SLC39A10: variants seen among roughly 807,000 people sequenced by gnomAD.
SLC39A10 encodes the protein solute carrier family 39 member 10, also known as zinc transporter ZIP10.
Under a neutral mutation model 65.1 loss-of-function variants are expected in SLC39A10, and 13 were observed. The ratio of observed to expected loss-of-function variants is 0.20; its 90% CI spans 0.13 to 0.32. The LOEUF is 0.32. SLC39A10 is among the 10% of genes least tolerant of loss of function. SLC39A10 has a pLI of 1.00. For missense variants in SLC39A10, 831 were observed against 1,018.4 expected, an observed-to-expected ratio of 0.82 and a Z score of 2.50; for synonymous variants, 321 against 342.2, an observed-to-expected ratio of 0.94 and a Z score of 0.68.
intron 2 of SLC39A10, among the ~76,000 whole-genome samples, chr2:195,643,655 G>T (rs1296563608): frequency 6.6e-6 from 1 of 152,160 alleles, no homozygotes; most frequent in Admixed American, 6.5e-5. Flanking sequence ...GGATGAGGGA[G>T]ATGAGAAAGG....
chr2:195,727,627 G>A (rs1199767488), intron 8 of SLC39A10, among the ~76,000 whole-genome samples: 1 of 152,182 alleles, frequency 6.6e-6, no homozygotes, highest in Non-Finnish European at 1.5e-5. Flanking sequence ...AGAAAGGGTA[G>A]AAGTTCGAGC....
At chr2:195,669,932 G>A (rs1352341508) in intron 1 of SLC39A10, among the ~76,000 whole-genome samples, 2 of 152,168 alleles carry the variant, frequency 1.3e-5, no homozygotes, top group African/African-American at 2.4e-5. Context: ...AGGCCAAGGC[G>A]GGTGGATAAC....
At position 195,680,831 on chromosome 2, in the gene SLC39A10, T is replaced by C. The variant is rs753673902; in HGVS notation, c.789T>C (p.His263=). Residue 263 remains histidine, a synonymous_variant, in exon 2 of 10, where the codon CAT becomes CAC. Transcript: ENST00000359634. ...PNHDQGEQYE[H]NRVHKPDRVH... ...ATGATCAGGGTGAACAGTATGAGCA[T>C]AATCGGGTCCACAAACCTGATCGTG... 42 of 1,614,042 alleles carry C rather than the reference T, an allele frequency of 2.6e-5. No homozygotes were observed. The African/African-American group carries it at 5.2e-4, about 20-fold the overall frequency.
At chr2:195,663,770 A>G (rs1230611170) in intron 1 of SLC39A10, among the ~76,000 whole-genome samples, 1 of 151,468 alleles carries the variant, frequency 6.6e-6, no homozygotes, top group Non-Finnish European at 1.5e-5. Flanking sequence ...GTTTTAAATT[A>G]GGATAGTCTA....
intron 5 of SLC39A10, among the ~76,000 whole-genome samples, 173 bp downstream of exon 5, chr2:195,709,017 GGTT>G (rs1002133012): frequency 1.6e-4 from 25 of 152,042 alleles, no homozygotes; most frequent in African/African-American, 4.6e-4. Context: ...TTAAATATGT[GGTT>G]GTTGTTGTTG....
chr2:195,615,324 G>A (rs1688182199), intron 2 of SLC39A10, among the ~76,000 whole-genome samples: 1 of 152,144 alleles, frequency 6.6e-6, no homozygotes, highest in Admixed American at 6.5e-5. Context: ...GAAATCACCT[G>A]GGGCAGTTTT....
At chr2:195,660,626 A>G (rs1342101575) in intron 1 of SLC39A10, among the ~76,000 whole-genome samples, 4 of 152,174 alleles carry the variant, frequency 2.6e-5, no homozygotes, top group Non-Finnish European at 4.4e-5. Flanking sequence ...AGTGTTTTTG[A>G]ACTGGTGAAT....
chr2:195,635,565 G>A (rs551817131), intron 2 of SLC39A10, among the ~76,000 whole-genome samples: 148 of 152,230 alleles, frequency 9.7e-4, no homozygotes, highest in African/African-American at 3.3e-3. Flanking sequence ...TTCTTCACAG[G>A]CACCATATAA....
intron 9 of SLC39A10, among the ~76,000 whole-genome samples, chr2:195,730,984 C>T (rs982234521): frequency 6.6e-6 from 1 of 152,166 alleles, no homozygotes; most frequent in Non-Finnish European, 1.5e-5. Flanking sequence ...TCCAAGCCAC[C>T]ACCATCTTTC....
At chr2:195,624,887 CAAAAAAA>C (rs60370795) in intron 2 of SLC39A10, among the ~76,000 whole-genome samples, 1 of 47,332 alleles carries the variant, frequency 2.1e-5, no homozygotes, top group African/African-American at 8.5e-5. Flanking sequence ...GACTCCATCT[CAAAAAAA>C]AAAAAAAAAA....
intron 3 of SLC39A10, among the ~76,000 whole-genome samples, chr2:195,706,381 G>A (rs1691396251): frequency 1.3e-5 from 2 of 148,880 alleles, no homozygotes; most frequent in African/African-American, 4.9e-5. Flanking sequence ...TATCTCGTGG[G>A]CCATTGAAGG....
chr2:195,709,719 A>C (rs1388022088), intron 5 of SLC39A10, among the ~76,000 whole-genome samples: 2 of 152,182 alleles, frequency 1.3e-5, no homozygotes, highest in Admixed American at 1.3e-4. Context: ...TTATTTTGGC[A>C]TTTATAATCA....
rs1446506245 is a variant in SLC39A10, at chr2:195,680,675, T to C, written c.633T>C (p.Asn211=). The change falls in exon 2 of 10, where the codon AAT becomes AAC. Residue 211 remains asparagine (N), a synonymous_variant. Coordinates refer to ENST00000359634, the MANE Select transcript of SLC39A10 (RefSeq NM_020342.3). ...ITPSERGEPS[N]EPSTETNKTQ... ...CCAGTGAGCGTGGGGAGCCTAGCAA[T>C]GAACCTTCAACAGAGACCAATAAAA... 1 of 1,614,066 alleles carries C rather than the reference T, an allele frequency of 6.2e-7. No individual in the cohort carries two copies. The highest frequency in any genetic ancestry group is 8.5e-7 in the Non-Finnish European group (1 of 1,180,016).
chr2:195,659,057 A>C (rs1261139754), intron 1 of SLC39A10, among the ~76,000 whole-genome samples: 3 of 152,246 alleles, frequency 2.0e-5, no homozygotes, highest in Non-Finnish European at 2.9e-5. Flanking sequence ...TAAAATTGCT[A>C]TCAGGTATTT....
At chr2:195,724,723 G>A (rs1214174146) in intron 8 of SLC39A10, among the ~76,000 whole-genome samples, 1 of 152,122 alleles carries the variant, frequency 6.6e-6, no homozygotes, top group Non-Finnish European at 1.5e-5. Context: ...CTATTGTTAA[G>A]ATGTTAATTT....
At chr2:195,715,656 G>GTGAC (rs1436474343) in intron 6 of SLC39A10, among the ~76,000 whole-genome samples, 4 of 151,764 alleles carry the variant, frequency 2.6e-5, no homozygotes, top group African/African-American at 9.7e-5. Context: ...TGACACTAAT[G>GTGAC]TGACACTTGA....
At chr2:195,712,260 G>C (rs150358303) in intron 5 of SLC39A10, among the ~76,000 whole-genome samples, 69 of 152,318 alleles carry the variant, frequency 4.5e-4, no homozygotes, top group African/African-American at 1.6e-3. Flanking sequence ...TCTCTATAAA[G>C]CTAGTTTTGG....
chr2:195,734,147 T>C (rs1692511132), intron 9 of SLC39A10, among the ~76,000 whole-genome samples: 2 of 134,740 alleles, frequency 1.5e-5, no homozygotes, highest in African/African-American at 2.8e-5. Context: ...CAAAAGAATC[T>C]TCCTTTTTTT....
At chr2:195,648,145 A>G (rs1688962516) in intron 2 of SLC39A10, among the ~76,000 whole-genome samples, 1 of 152,076 alleles carries the variant, frequency 6.6e-6, no homozygotes, top group Non-Finnish European at 1.5e-5. Flanking sequence ...GGTGTGTGAC[A>G]CCATGCCCAT....
Sources: allele counts gnomAD v4.1 joint callset (sites outside exome capture counted in the v4.1 genomes callset), GRCh38; gene constraint gnomAD v4.1.1; transcripts MANE v1.5; gene names NCBI Gene and HGNC (gene_info 2026-07-23, HGNC 2026-07-21).